PDE4D: variants seen among roughly 807,000 people sequenced by gnomAD.
The protein encoded by PDE4D is 3',5'-cyclic-AMP phosphodiesterase 4D.
In PDE4D, 24 loss-of-function variants were observed where a neutral mutation model predicts 87.4. The ratio of observed to expected loss-of-function variants is 0.27; its 90% CI spans 0.20 to 0.39. The LOEUF is 0.39. PDE4D is among the 10% of genes least tolerant of loss of function. PDE4D has a pLI of 1.00. For missense variants in PDE4D, 714 were observed against 1,041.0 expected, an observed-to-expected ratio of 0.69 and a Z score of 4.32; for synonymous variants, 384 against 383.2, an observed-to-expected ratio of 1.00 and a Z score of -0.02.
intron 2 of PDE4D, among the ~76,000 whole-genome samples, chr5:60,114,638 C>T (rs1428883389): frequency 6.6e-6 from 1 of 152,006 alleles, no homozygotes; most frequent in Non-Finnish European, 1.5e-5. Context: ...ACAAGTTTAT[C>T]CCTGATGTTG....
At chr5:59,495,775 G>A (rs1445670278) in intron 1 of PDE4D, among the ~76,000 whole-genome samples, 1 of 152,182 alleles carries the variant, frequency 6.6e-6, no homozygotes, top group Non-Finnish European at 1.5e-5. Flanking sequence ...TGCAACTGGA[G>A]AAGTGGCTCG....
chr5:59,175,669 G>A (rs1278849941), intron 5 of PDE4D, among the ~76,000 whole-genome samples: 5 of 151,394 alleles, frequency 3.3e-5, no homozygotes, highest in African/African-American at 2.4e-5. Flanking sequence ...TAATAGAGAC[G>A]GGGTTTCACC....
In PDE4D at chr5:59,507,524, G is replaced by T. The variant is rs1582907477; in HGVS notation, c.456-291556C>A. On this transcript the variant is annotated intron_variant, in intron 1 of 14. Transcript: ENST00000340635. ...AAAAAAATAAAATAAAATTAGCCAG[G>T]TGTGGTGTCATATGTCTGTAGTCCT... Among the ~76,000 whole-genome samples, 3 of 151,558 alleles carry T rather than the reference G, an allele frequency of 2.0e-5. No homozygotes were observed. In the East Asian group the frequency reaches 5.8e-4, roughly 29 times the overall value.
At chr5:59,374,373 C>A (rs1359472445) in intron 1 of PDE4D, among the ~76,000 whole-genome samples, 1 of 152,044 alleles carries the variant, frequency 6.6e-6, no homozygotes, top group Non-Finnish European at 1.5e-5. Context: ...GCAGGGGTTG[C>A]AATCCTAGTT....
Position 60,413,722 on chromosome 5 carries a change from T to A in PDE4D, c.-90+74220A>T, listed in dbSNP as rs868842704. Reference sequence around the variant, plus strand: ...GAATTTCTTTTTTCGTTTATTTTTTTTTTTTTTGGAAAAACAGCTTAGAAA... The same window carrying A: ...GAATTTCTTTTTTCGTTTATTTTTTATTTTTTTGGAAAAACAGCTTAGAAA... On this transcript the variant is annotated intron_variant, in intron 1 of 16. Transcript: ENST00000502484. 6.6e-4 allele frequency among the ~76,000 whole-genome samples: 100 copies of A among 151,954 alleles called. 1 individual carries two copies. The highest frequency in any genetic ancestry group is 6.8e-3 in the Middle Eastern group (2 of 294).
At chr5:58,980,018 C>T (rs1018659857) in intron 11 of PDE4D, among the ~76,000 whole-genome samples, 1 of 152,246 alleles carries the variant, frequency 6.6e-6, no homozygotes, top group Admixed American at 6.5e-5. Flanking sequence ...GATTTAGGTG[C>T]CATTGTGTTA....
chr5:60,222,828 C>G (rs951561927), intron 1 of PDE4D, among the ~76,000 whole-genome samples: 9 of 151,964 alleles, frequency 5.9e-5, no homozygotes, highest in African/African-American at 2.2e-4. Context: ...AACCATGGAA[C>G]TTGGTACTAA....
intron 1 of PDE4D, among the ~76,000 whole-genome samples, chr5:59,536,952 T>A (rs1207201927): frequency 6.6e-6 from 1 of 152,198 alleles, no homozygotes; most frequent in Non-Finnish European, 1.5e-5. Flanking sequence ...TTTGGTATGC[T>A]ACAATACGAC....
intron 1 of PDE4D, among the ~76,000 whole-genome samples, chr5:60,510,729 A>T (rs1395625431): frequency 6.6e-6 from 1 of 152,182 alleles, no homozygotes; most frequent in Non-Finnish European, 1.5e-5. Flanking sequence ...TGATGGCATG[A>T]TTTTGTTTTA....
intron 11 of PDE4D, among the ~76,000 whole-genome samples, chr5:58,987,800 A>T (rs1478499357): frequency 6.6e-6 from 1 of 152,164 alleles, no homozygotes; most frequent in Non-Finnish European, 1.5e-5. Context: ...TTACCAATTA[A>T]CTTCAAGTAC....
At chr5:59,044,264 G>T (rs1009108811) in intron 5 of PDE4D, among the ~76,000 whole-genome samples, 3 of 152,150 alleles carry the variant, frequency 2.0e-5, no homozygotes, top group African/African-American at 7.2e-5. Context: ...GGTGTGAGAT[G>T]GTATCTCATT....
intron 1 of PDE4D, among the ~76,000 whole-genome samples, chr5:59,316,168 G>A (rs997336823): frequency 6.6e-6 from 1 of 152,062 alleles, no homozygotes; most frequent in South Asian, 2.1e-4. Context: ...TTGATCAAGA[G>A]GTACATGAAG....
chr5:59,584,160 A>C (rs1824705448), intron 1 of PDE4D, among the ~76,000 whole-genome samples: 1 of 152,182 alleles, frequency 6.6e-6, no homozygotes, highest in Admixed American at 6.6e-5. Flanking sequence ...CAGTAGGACA[A>C]AGGGAAAGAG....
intron 1 of PDE4D, among the ~76,000 whole-genome samples, chr5:59,636,592 C>A (rs1163393881): frequency 2.6e-5 from 4 of 152,062 alleles, no homozygotes; most frequent in Admixed American, 6.6e-5. Flanking sequence ...GCCTCAGAAA[C>A]AACACCACAC....
chr5:58,990,302 G>A (rs1018093359), intron 9 of PDE4D, among the ~76,000 whole-genome samples: 8 of 152,132 alleles, frequency 5.3e-5, no homozygotes, highest in Admixed American at 2.0e-4. Flanking sequence ...TTCCCATTTC[G>A]GTCCCGAGAT....
chr5:60,420,636 C>T (rs1743005067), intron 1 of PDE4D, among the ~76,000 whole-genome samples: 2 of 152,224 alleles, frequency 1.3e-5, no homozygotes, highest in Admixed American at 6.5e-5. Context: ...GTCATCGATG[C>T]AGAAGATGGG....
chr5:60,338,586 C>G (rs1164998202), intron 1 of PDE4D, among the ~76,000 whole-genome samples: 2 of 152,140 alleles, frequency 1.3e-5, no homozygotes, highest in Admixed American at 6.5e-5. Flanking sequence ...TCCATACACA[C>G]GACATGTCCA....
intron 1 of PDE4D, among the ~76,000 whole-genome samples, chr5:59,889,467 C>T (rs1019121517): frequency 6.6e-6 from 1 of 151,554 alleles, no homozygotes; most frequent in Non-Finnish European, 1.5e-5. Flanking sequence ...GGTGACAGAG[C>T]GAGACCCAGT....
chr5:59,472,513 C>T (rs1321565465), intron 1 of PDE4D, among the ~76,000 whole-genome samples: 4 of 152,168 alleles, frequency 2.6e-5, no homozygotes, highest in Non-Finnish European at 4.4e-5. Context: ...CATTAACTTT[C>T]AAAGACATCC....
Sources: gnomAD v4.1 joint callset for allele counts (sites outside exome capture counted in the v4.1 genomes callset) on GRCh38, gnomAD v4.1.1 for gene constraint, MANE v1.5 for transcripts, NCBI Gene and HGNC (gene_info 2026-07-23, HGNC 2026-07-21) for gene names.